CANX: variants seen among roughly 807,000 people sequenced by gnomAD.
CANX encodes epididymis secretory sperm binding protein.
A neutral mutation model predicts 75.7 loss-of-function variants in CANX; 14 were observed. The observed-to-expected ratio is 0.19, with a 90% confidence interval of 0.12 to 0.29. The LOEUF is 0.29. CANX is among the 10% of genes least tolerant of loss of function. The pLI is 1.00. For missense variants in CANX, 567 were observed against 713.2 expected, an observed-to-expected ratio of 0.79 and a Z score of 2.34; for synonymous variants, 227 against 236.9, an observed-to-expected ratio of 0.96 and a Z score of 0.38.
intron 1 of CANX, among the ~76,000 whole-genome samples, chr5:179,684,924 G>GTTTTTTTTTTTT (rs781629512): frequency 3.8e-4 from 11 of 28,982 alleles, no homozygotes; most frequent in East Asian, 2.0e-3. Flanking sequence ...GGCTAATTTT[G>GTTTTTTTTTTTT]TATTTTTTTT....
upstream of CANX, among the ~76,000 whole-genome samples, chr5:179,693,495 G>A (rs1044760413): frequency 6.6e-6 from 1 of 151,308 alleles, no homozygotes. Flanking sequence ...CCAACATGGC[G>A]AAACCCGATC....
intron 1 of CANX, among the ~76,000 whole-genome samples, chr5:179,689,136 C>T (rs1290576073): frequency 3.3e-5 from 5 of 152,106 alleles, no homozygotes; most frequent in Admixed American, 3.3e-4. Context: ...CGCCTATAAT[C>T]CCAGCTAATT....
chr5:179,707,386 C>A (rs1263140487), intron 4 of CANX, among the ~76,000 whole-genome samples, 196 bp downstream of exon 4: 3 of 151,982 alleles, frequency 2.0e-5, no homozygotes, highest in Admixed American at 1.3e-4. Flanking sequence ...AGATCGAGAC[C>A]ATCCTGGCTA....
intron 7 of CANX, among the ~76,000 whole-genome samples, chr5:179,710,788 C>T (rs988594501): frequency 1.3e-5 from 2 of 150,276 alleles, no homozygotes; most frequent in Admixed American, 6.7e-5. Flanking sequence ...TATGGTTGCT[C>T]ATGCGTGTAA....
At chr5:179,726,178 CT>C (rs1778653930) in intron 13 of CANX, among the ~76,000 whole-genome samples, 1 of 151,158 alleles carries the variant, frequency 6.6e-6, no homozygotes, top group Admixed American at 6.6e-5. Flanking sequence ...ATCCCGGCTA[CT>C]CCGGAGGCTG....
intron 13 of CANX, among the ~76,000 whole-genome samples, chr5:179,725,946 C>T (rs1473098329): frequency 6.6e-6 from 1 of 150,554 alleles, no homozygotes; most frequent in African/African-American, 2.5e-5. Flanking sequence ...CGAGATTGCG[C>T]CACTGCACTC....
At chr5:179,718,596 T>G (rs1350060565) in intron 8 of CANX, among the ~76,000 whole-genome samples, 1 of 151,904 alleles carries the variant, frequency 6.6e-6, no homozygotes, top group Non-Finnish European at 1.5e-5. Context: ...TGGCGTGATC[T>G]TGGCTCACCA....
chr5:179,709,809 T>G, intron 6 of CANX, 64 bp from the exon 7 acceptor site: 1 of 1,050,638 alleles, frequency 9.5e-7, no homozygotes. Flanking sequence ...CATACACTTT[T>G]GAAACGTTGC....
upstream of CANX, among the ~76,000 whole-genome samples, chr5:179,697,820 G>A (rs1042181116): frequency 1.9e-4 from 29 of 152,248 alleles, no homozygotes; most frequent in African/African-American, 6.3e-4. Flanking sequence ...CCCGGGAGGC[G>A]GAGGTTGTAG....
intron 7 of CANX, among the ~76,000 whole-genome samples, chr5:179,711,295 G>A (rs752106944): frequency 6.6e-6 from 1 of 151,826 alleles, no homozygotes; most frequent in Non-Finnish European, 1.5e-5. Flanking sequence ...AGTGGCATGT[G>A]CCTGTAGTTT....
At chr5:179,695,173 C>A (rs1776371589), upstream of CANX, among the ~76,000 whole-genome samples, 1 of 151,912 alleles carries the variant, frequency 6.6e-6, no homozygotes, top group Admixed American at 6.6e-5. Flanking sequence ...CCCCAGCCTC[C>A]CCAGCAGCTG....
At chr5:179,696,196 G>C (rs914455293), upstream of CANX, among the ~76,000 whole-genome samples, 2 of 151,566 alleles carry the variant, frequency 1.3e-5, no homozygotes, top group African/African-American at 4.9e-5. Flanking sequence ...TGAATTAGAG[G>C]CATGAGCTAC....
intron 1 of CANX, among the ~76,000 whole-genome samples, chr5:179,701,524 G>T (rs1776756128): frequency 6.6e-6 from 1 of 151,518 alleles, no homozygotes; most frequent in African/African-American, 2.4e-5. Context: ...GAGCGGAGAT[G>T]GTTCCATTGC....
intron 7 of CANX, among the ~76,000 whole-genome samples, chr5:179,710,696 A>C (rs1777487657): frequency 7.0e-6 from 1 of 143,696 alleles, no homozygotes; most frequent in Non-Finnish European, 1.5e-5. Context: ...AGACAGAGCA[A>C]GACTCCATCT....
chr5:179,719,923 G>A (rs1384830147), intron 9 of CANX, 142 bp downstream of exon 9: 1 of 602,590 alleles, frequency 1.7e-6, no homozygotes, highest in Non-Finnish European at 3.0e-6. Context: ...CTGGGTTCAA[G>A]TGATTCTCCT....
At chr5:179,678,822 C>T (rs1177595105) in intron 1 of CANX, 9 of 1,537,034 alleles carry the variant, frequency 5.9e-6, no homozygotes, top group Middle Eastern at 1.7e-4. Context: ...GACCGCTGCA[C>T]CTGCGCCTTC....
chr5:179,722,274 C>T (rs1002541772), intron 10 of CANX, among the ~76,000 whole-genome samples: 1 of 152,192 alleles, frequency 6.6e-6, no homozygotes, highest in African/African-American at 2.4e-5. Flanking sequence ...GCAGAAGTTA[C>T]AGTGAAAAAG....
chr5:179,722,768 A>G (rs1031022114), intron 10 of CANX, 36 bp from the exon 11 acceptor site: 7 of 1,446,152 alleles, frequency 4.8e-6, no homozygotes, highest in Non-Finnish European at 6.8e-6. Context: ...GTTGATCATT[A>G]TCTGAAATGA....
chr5:179,688,673 A>C (rs2113043225), intron 1 of CANX, among the ~76,000 whole-genome samples: 1 of 151,242 alleles, frequency 6.6e-6, no homozygotes, highest in South Asian at 2.1e-4. Flanking sequence ...GCCTAAGGTC[A>C]ATTTTCATTA....
Sources: gnomAD v4.1 joint callset for allele counts (sites outside exome capture counted in the v4.1 genomes callset) on GRCh38, gnomAD v4.1.1 for gene constraint, MANE v1.5 for transcripts, NCBI Gene and HGNC (gene_info 2026-07-23, HGNC 2026-07-21) for gene names.